The following GPC6 variants were observed in gnomAD, a reference collection of about 807,000 sequenced individuals.
GPC6 encodes glypican-6.
A neutral mutation model predicts 55.2 loss-of-function variants in GPC6; 14 were observed. The ratio of observed to expected loss-of-function variants is 0.25; its 90% CI spans 0.17 to 0.40. The LOEUF (loss-of-function observed/expected upper bound fraction) is 0.40. Ranked by LOEUF, GPC6 falls within the 10% of genes least tolerant of loss-of-function variation. The pLI is 1.00. For missense variants in GPC6, 641 were observed against 708.5 expected (o/e 0.90, Z 1.08); for synonymous variants, 278 against 259.6 (o/e 1.07, Z -0.68).
At chr13:94,379,823 A>G (rs1880075258) in intron 6 of GPC6, among the ~76,000 whole-genome samples, 2 of 152,224 alleles carry the variant, frequency 1.3e-5, no homozygotes, top group Admixed American at 1.3e-4. Flanking sequence ...AAGATAAATT[A>G]CAACCCTATT....
rs367635438 is a variant in GPC6, at chr13:93,460,780, C to G, written c.161-84483C>G. Among the ~76,000 whole-genome samples, 7 of 152,164 alleles carry G rather than the reference C, an allele frequency of 4.6e-5. No homozygotes were observed. In the East Asian group the frequency reaches 9.6e-4, roughly 21 times the overall value. ...ACAAACCAAATAACTAATATTACCC[C>G]CCCATTGTGATATGTTGCACCTTTC... On this transcript the variant is annotated intron_variant, in intron 1 of 8. Transcript: ENST00000377047.
intron 1 of GPC6, among the ~76,000 whole-genome samples, chr13:93,453,257 C>T (rs370203599): frequency 2.6e-5 from 4 of 152,290 alleles, no homozygotes; most frequent in African/African-American, 9.6e-5. Context: ...CCTCTTCCCC[C>T]ACTTTCATTC....
At chr13:94,060,531 G>T (rs903994550) in intron 4 of GPC6, among the ~76,000 whole-genome samples, 1 of 152,186 alleles carries the variant, frequency 6.6e-6, no homozygotes, top group Non-Finnish European at 1.5e-5. Flanking sequence ...AGAAATTGCA[G>T]TGGGCTCTAA....
intron 4 of GPC6, among the ~76,000 whole-genome samples, chr13:94,115,102 A>G (rs1006669689): frequency 6.6e-6 from 1 of 152,176 alleles, no homozygotes; most frequent in Non-Finnish European, 1.5e-5. Flanking sequence ...CTGAGAAAAT[A>G]GAAAGTGTAC....
At chr13:93,794,243 C>T (rs527947166) in intron 2 of GPC6, among the ~76,000 whole-genome samples, 2 of 152,220 alleles carry the variant, frequency 1.3e-5, no homozygotes, top group South Asian at 2.1e-4. Flanking sequence ...ACATTTATGA[C>T]AAATTTTCAG....
At chr13:93,296,483 A>T (rs1711617730) in intron 1 of GPC6, among the ~76,000 whole-genome samples, 1 of 152,034 alleles carries the variant, frequency 6.6e-6, no homozygotes, top group Non-Finnish European at 1.5e-5. Context: ...TTACTCACCC[A>T]TGCCTCTTTC....
chr13:94,315,975 G>A (rs1876499710), intron 6 of GPC6, among the ~76,000 whole-genome samples: 1 of 149,660 alleles, frequency 6.7e-6, no homozygotes, highest in South Asian at 2.1e-4. Flanking sequence ...GCCATCTTTA[G>A]TGTTAGTATA....
chr13:94,217,936 T>C (rs9524372), intron 4 of GPC6, among the ~76,000 whole-genome samples: 30,411 of 152,126 alleles, frequency 0.2, 3,209 homozygotes, highest in East Asian at 0.41. Context: ...CCAGGCACAA[T>C]AGCACTTCAC....
chr13:93,556,189 T>C (rs943997954), intron 2 of GPC6, among the ~76,000 whole-genome samples: 1 of 152,100 alleles, frequency 6.6e-6, no homozygotes, highest in African/African-American at 2.4e-5. Context: ...TTTAAGTTTA[T>C]GAACTACACA....
intron 1 of GPC6, among the ~76,000 whole-genome samples, chr13:93,428,465 T>C (rs1299421310): frequency 6.6e-6 from 1 of 152,168 alleles, no homozygotes; most frequent in Non-Finnish European, 1.5e-5. Flanking sequence ...TAAAAATCTA[T>C]TTTCTCTCCA....
chr13:93,464,192 G>A (rs1878815803), intron 1 of GPC6, among the ~76,000 whole-genome samples: 1 of 152,166 alleles, frequency 6.6e-6, no homozygotes, highest in Non-Finnish European at 1.5e-5. Flanking sequence ...TTGACTCCAT[G>A]TTTTTGGCTG....
At chr13:93,247,847 T>C (rs1328258852) in intron 1 of GPC6, among the ~76,000 whole-genome samples, 1 of 152,170 alleles carries the variant, frequency 6.6e-6, no homozygotes, top group African/African-American at 2.4e-5. Context: ...GCAAAAGACA[T>C]AAAAATTGTA....
chr13:93,964,429 A>G (rs1207298545), intron 3 of GPC6, among the ~76,000 whole-genome samples: 1 of 152,250 alleles, frequency 6.6e-6, no homozygotes, highest in Non-Finnish European at 1.5e-5. Flanking sequence ...ACTGGGTTTT[A>G]TTACAGTGAG....
chr13:94,369,540 A>G (rs1879437989), intron 6 of GPC6, among the ~76,000 whole-genome samples: 1 of 152,218 alleles, frequency 6.6e-6, no homozygotes, highest in Non-Finnish European at 1.5e-5. Flanking sequence ...AGGTGTTGGA[A>G]TGTGTTTATG....
chr13:93,841,104 T>G (rs1887937954), intron 3 of GPC6, among the ~76,000 whole-genome samples: 1 of 152,158 alleles, frequency 6.6e-6, no homozygotes, highest in Non-Finnish European at 1.5e-5. Flanking sequence ...CTTGAAAGTT[T>G]GGAGGATTTC....
chr13:93,867,300 A>G (rs1594538714), intron 3 of GPC6, among the ~76,000 whole-genome samples: 1 of 151,828 alleles, frequency 6.6e-6, no homozygotes, highest in East Asian at 2.0e-4. Flanking sequence ...TGTTCCTTTG[A>G]CGTCTCTCTA....
At chr13:94,365,335 A>G (rs1055356923) in intron 6 of GPC6, among the ~76,000 whole-genome samples, 3 of 152,178 alleles carry the variant, frequency 2.0e-5, no homozygotes, top group Non-Finnish European at 4.4e-5. Flanking sequence ...ATTTATTAGT[A>G]TCTCATCCTA....
chr13:93,512,360 A>T (rs535033704), intron 1 of GPC6, among the ~76,000 whole-genome samples: 45 of 152,042 alleles, frequency 3.0e-4, no homozygotes, highest in African/African-American at 1.1e-3. Flanking sequence ...GTCTATGTTT[A>T]GTTTGTTTTT....
chr13:93,698,389 C>T (rs1882536314), intron 2 of GPC6, among the ~76,000 whole-genome samples: 1 of 149,718 alleles, frequency 6.7e-6, no homozygotes, highest in South Asian at 2.1e-4. Flanking sequence ...ATTCTACGCT[C>T]TATGCCTTTT....
Sources: allele counts gnomAD v4.1 joint callset (sites outside exome capture counted in the v4.1 genomes callset), GRCh38; gene constraint gnomAD v4.1.1; transcripts MANE v1.5; gene names NCBI Gene and HGNC (gene_info 2026-07-23, HGNC 2026-07-21).